The following SDK1 variants were observed in gnomAD, a reference collection of about 807,000 sequenced individuals.
SDK1 encodes the protein protein sidekick-1.
Under a neutral mutation model 245.5 loss-of-function variants are expected in SDK1, and 157 were observed. The observed-to-expected ratio is 0.64, with a 90% CI of 0.56 to 0.73. The LOEUF is 0.73. Ranked by LOEUF, SDK1 falls within the 30% of genes least tolerant of loss-of-function variation. The pLI, the probability that SDK1 is intolerant of heterozygous loss-of-function variation, is 0.00. For synonymous variants in SDK1, 1,647 were observed against 1,278.5 expected, an observed-to-expected ratio of 1.29 and a Z score of -6.15; for missense variants, 3,583 against 3,002.3, an observed-to-expected ratio of 1.19 and a Z score of -4.52.
At chr7:3,694,571 T>C (rs2114999619) in intron 4 of SDK1, among the ~76,000 whole-genome samples, 1 of 54,304 alleles carries the variant, frequency 1.8e-5, no homozygotes, top group African/African-American at 6.7e-5. Flanking sequence ...AATGTATTTA[T>C]GTTGGTGGGG....
chr7:3,966,069 A>G (rs1782061565), intron 9 of SDK1, among the ~76,000 whole-genome samples: 1 of 151,962 alleles, frequency 6.6e-6, no homozygotes, highest in Non-Finnish European at 1.5e-5. Context: ...AAGCCTTTGT[A>G]GCTTTCAAAG....
In SDK1 at chr7:3,699,298, A is replaced by G. The variant is rs1463118863; in HGVS notation, c.713+57193A>G. The stretch of plus-strand genomic sequence containing the variant: ...CAAGAAACACCCACAACAAGATGAT[A>G]CAGATGTTAGAGATGTCCGACCAGC... On this transcript the variant is annotated intron_variant, in intron 4 of 44. Coordinates refer to ENST00000404826, the MANE Select transcript of SDK1 (RefSeq NM_152744.4). Among the ~76,000 whole-genome samples, 4 of 152,332 alleles carry G rather than the reference A, an allele frequency of 2.6e-5. No homozygotes were observed. In the East Asian group the frequency reaches 7.7e-4, roughly 29 times the overall value.
At chr7:4,046,913 A>G (rs1004302422) in intron 17 of SDK1, among the ~76,000 whole-genome samples, 1 of 151,418 alleles carries the variant, frequency 6.6e-6, no homozygotes, top group African/African-American at 2.4e-5. Context: ...TTTATTCACT[A>G]TATTGATTGG....
intron 4 of SDK1, among the ~76,000 whole-genome samples, chr7:3,674,195 A>G (rs1156610445): frequency 6.6e-6 from 1 of 152,220 alleles, no homozygotes; most frequent in Non-Finnish European, 1.5e-5. Flanking sequence ...AGACAGCATC[A>G]GAAATTGACT....
intron 1 of SDK1, among the ~76,000 whole-genome samples, chr7:3,535,799 T>C (rs998749769): frequency 2.6e-5 from 4 of 152,156 alleles, no homozygotes; most frequent in Non-Finnish European, 4.4e-5. Flanking sequence ...TAGGCTATAT[T>C]TGCTAATGGA....
Position 4,110,711 on chromosome 7 carries a change from G to A in SDK1, c.3373G>A (p.Glu1125Lys). 1 of 1,614,054 alleles carries A rather than the reference G, an allele frequency of 6.2e-7. No homozygotes were observed. The highest frequency in any genetic ancestry group is 8.5e-7 in the Non-Finnish European group (1 of 1,179,984). ...EEEWVTLYEE[E>K]NEPDAQMLEI... ...GGAGTGGGTCACCCTCTATGAAGAGGAGAATGAGCCTGATGCCCAGATGCT... is the reference window on the plus strand; with the variant it reads ...GGAGTGGGTCACCCTCTATGAAGAGAAGAATGAGCCTGATGCCCAGATGCT... Residue 1125 changes from glutamate to lysine, a missense_variant, in exon 23 of 45, where the codon GAG becomes AAG. By Grantham distance (56) the Glu-to-Lys change is moderately conservative. Transcript: ENST00000404826.
chr7:3,723,853 T>TAC lies in SDK1; in HGVS notation c.713+81750_713+81751dup, dbSNP rs1562397426. Among the ~76,000 whole-genome samples, 26 of 141,668 alleles carry TAC rather than the reference T, an allele frequency of 1.8e-4. 1 individual carries two copies. Among genetic ancestry groups the TAC allele is most frequent in the Non-Finnish European group, 3.1e-4 (20 of 64,398 alleles). The allele number at this position is 141,668 out of a possible 152,430, so 92.9% of individuals were successfully genotyped here. A position where few individuals can be genotyped will look rare whatever the true frequency, so the allele number is the denominator to read the frequency against. ...ATACACGTGTATATACACGTACATA[T>TAC]ACATATACACGTGTATATACACGTA... On this transcript the variant is annotated intron_variant, in intron 4 of 44. Coordinates refer to ENST00000404826, the MANE Select transcript of SDK1 (RefSeq NM_152744.4).
chr7:3,582,683 T>TAAAAAAAA (rs71029682), intron 1 of SDK1, among the ~76,000 whole-genome samples: 12 of 69,682 alleles, frequency 1.7e-4, no homozygotes, highest in South Asian at 7.2e-4. Context: ...TAAACTAAAG[T>TAAAAAAAA]AAAAAAAAAA....
intron 5 of SDK1, among the ~76,000 whole-genome samples, chr7:3,930,799 A>G (rs1368180055): frequency 6.7e-6 from 1 of 148,906 alleles, no homozygotes; most frequent in Non-Finnish European, 1.5e-5. Context: ...TCTCACCGAA[A>G]AGAAAAGAAA....
Position 3,906,000 on chromosome 7 carries a change from C to T in SDK1, c.848-44923C>T, listed in dbSNP as rs1210908877. ...TTGTTTTGGTCTCCTTCTAGAACTCCGATTTAAGCATATTTGCATCTTCTC... is the reference window on the plus strand; with the variant it reads ...TTGTTTTGGTCTCCTTCTAGAACTCTGATTTAAGCATATTTGCATCTTCTC... On this transcript the variant is annotated intron_variant, in intron 5 of 44. Coordinates refer to ENST00000404826, the MANE Select transcript of SDK1 (RefSeq NM_152744.4). 4.6e-5 allele frequency among the ~76,000 whole-genome samples: 7 copies of T among 152,046 alleles called. No individual in the cohort carries two copies. The East Asian group carries it at 9.6e-4, about 21-fold the overall frequency.
At chr7:3,686,923 T>C (rs978734705) in intron 4 of SDK1, among the ~76,000 whole-genome samples, 1 of 152,042 alleles carries the variant, frequency 6.6e-6, no homozygotes, top group Non-Finnish European at 1.5e-5. Flanking sequence ...GGTAGGCAGG[T>C]AGTGGCCCTG....
intron 1 of SDK1, among the ~76,000 whole-genome samples, chr7:3,477,774 A>G (rs1184740971): frequency 3.3e-5 from 5 of 151,982 alleles, no homozygotes; most frequent in Non-Finnish European, 7.4e-5. Flanking sequence ...TCAGACTCCC[A>G]AAGCACAGGG....
intron 1 of SDK1, among the ~76,000 whole-genome samples, chr7:3,609,988 A>G (rs1266855765): frequency 1.3e-5 from 2 of 152,200 alleles, no homozygotes. Flanking sequence ...GGCAGGAGCC[A>G]TCATACCTGG....
chr7:4,032,522 C>G (rs1295672029), intron 17 of SDK1, among the ~76,000 whole-genome samples: 4 of 151,990 alleles, frequency 2.6e-5, no homozygotes, highest in African/African-American at 9.7e-5. Context: ...GAAAGCAAGG[C>G]GAGGTATAAA....
intron 35 of SDK1, among the ~76,000 whole-genome samples, chr7:4,203,674 G>A (rs662696): frequency 3.9e-5 from 6 of 152,278 alleles, no homozygotes; most frequent in African/African-American, 1.2e-4. Context: ...GAGTTGCACC[G>A]GGGCTTGTCA....
In SDK1 at chr7:4,209,939, T is replaced by C. The variant is rs774656002; in HGVS notation, c.5402-86T>C. The C allele has an allele frequency of 2.2e-5, 26 of 1,164,756 alleles. No individual in the cohort carries two copies. The Middle Eastern group carries it at 6.2e-4, about 28-fold the overall frequency. 72.2% of individuals were successfully genotyped at this position (1,164,756 alleles called of 1,614,324 possible). ...TTGAAAATAACATCGAATAACATTT[T>C]TTATTCTATACGGAGGCACAGACAT... On this transcript the variant is annotated intron_variant, in intron 37 of 44. Transcript: ENST00000404826.
intron 17 of SDK1, among the ~76,000 whole-genome samples, chr7:4,018,407 A>G (rs892403346): frequency 8.5e-5 from 13 of 152,198 alleles, no homozygotes; most frequent in African/African-American, 2.9e-4. Flanking sequence ...TTTATAAATT[A>G]AGTGCAGTCA....
chr7:3,908,393 G>A (rs1012795656), intron 5 of SDK1, among the ~76,000 whole-genome samples: 8 of 152,176 alleles, frequency 5.3e-5, no homozygotes, highest in Non-Finnish European at 7.3e-5. Context: ...CACGAACCTC[G>A]TGTCCCGACA....
chr7:4,081,627 C>T (rs192728205), intron 22 of SDK1, among the ~76,000 whole-genome samples: 50 of 152,132 alleles, frequency 3.3e-4, no homozygotes, highest in Non-Finnish European at 4.6e-4. Context: ...ACCATGTTAG[C>T]CAGGATGGTC....
Sources: allele counts gnomAD v4.1 joint callset (sites outside exome capture counted in the v4.1 genomes callset), GRCh38; gene constraint gnomAD v4.1.1; transcripts MANE v1.5; gene names NCBI Gene and HGNC (gene_info 2026-07-23, HGNC 2026-07-21).